Variants in PCDHGA3 observed in about 807,000 individuals in gnomAD.
The protein encoded by PCDHGA3 is protocadherin gamma subfamily A, 3.
A neutral mutation model predicts 58.5 loss-of-function variants in PCDHGA3; 40 were observed. The ratio of observed to expected loss-of-function variants is 0.68; its 90% CI spans 0.53 to 0.89. The LOEUF is 0.89. PCDHGA3 is among the 40% of genes least tolerant of loss of function. The pLI is 0.00. For synonymous variants in PCDHGA3, 530 were observed against 525.7 expected (o/e 1.01, Z -0.11); for missense variants, 1,223 against 1,195.9 (o/e 1.02, Z -0.33).
chr5:141,403,163 A>C, intron 1 of PCDHGA3: 1 of 1,614,052 alleles, frequency 6.2e-7, no homozygotes, highest in South Asian at 1.1e-5. Flanking sequence ...CTCTAGAGGT[A>C]GGACGCAGCT....
intron 1 of PCDHGA3, chr5:141,428,225 A>G (rs775012950): frequency 4.3e-6 from 5 of 1,156,574 alleles, no homozygotes; most frequent in Non-Finnish European, 6.3e-6. Flanking sequence ...GTCTTCGCAG[A>G]CAGCCTGCAG....
In PCDHGA3 at chr5:141,455,477, C is replaced by T. The variant is rs557286491; in HGVS notation, c.2425-39330C>T. On this transcript the variant is annotated intron_variant, in intron 1 of 3. Coordinates refer to ENST00000253812, the MANE Select transcript of PCDHGA3 (RefSeq NM_018916.4). ...TACCAGCCAGGTATATATGCAGAGG[C>T]TGGTGGAGGTGATGTCTGATTTGCA... Among the ~76,000 whole-genome samples the T allele has an allele frequency of 1.2e-4, 18 of 152,252 alleles. No homozygotes were observed. The South Asian group carries it at 3.7e-3, about 32-fold the overall frequency.
At chr5:141,383,007 G>A (rs1047921009) in intron 1 of PCDHGA3, 1 of 1,613,748 alleles carries the variant, frequency 6.2e-7, no homozygotes, top group Non-Finnish European at 8.5e-7. Flanking sequence ...ACTCCGTGTC[G>A]GAGGAGACGG....
intron 1 of PCDHGA3, chr5:141,372,088 C>G: frequency 1.9e-6 from 3 of 1,613,762 alleles, no homozygotes; most frequent in Non-Finnish European, 2.5e-6. Flanking sequence ...GTGCTGTACC[C>G]AGCTCTGGGG....
At chr5:141,510,682 GA>G (rs1303501817) in intron 3 of PCDHGA3, among the ~76,000 whole-genome samples, 6 of 152,154 alleles carry the variant, frequency 3.9e-5, no homozygotes, top group Non-Finnish European at 8.8e-5. Flanking sequence ...GTGGCATAAG[GA>G]GGTTAGGTAG....
chr5:141,347,945 G>C (rs1758040915), intron 1 of PCDHGA3, among the ~76,000 whole-genome samples: 1 of 152,180 alleles, frequency 6.6e-6, no homozygotes, highest in African/African-American at 2.4e-5. Flanking sequence ...CCTTGGAGTG[G>C]TATTTCTTGT....
chr5:141,420,135 A>T (rs2096469364), intron 1 of PCDHGA3: 1 of 1,614,026 alleles, frequency 6.2e-7, no homozygotes. Flanking sequence ...GTGCCTGGGG[A>T]TCAAATGAAT....
intron 1 of PCDHGA3, chr5:141,399,668 G>A (rs756009874): frequency 1.7e-5 from 28 of 1,613,644 alleles, no homozygotes; most frequent in Non-Finnish European, 8.5e-7. Flanking sequence ...TTCGCGCAGC[G>A]CGCCTTTGAC....
chr5:141,477,566 C>T lies in PCDHGA3; in HGVS notation c.2425-17241C>T, dbSNP rs749100730. On this transcript the variant is annotated intron_variant, in intron 1 of 3. Coordinates refer to ENST00000253812, the MANE Select transcript of PCDHGA3 (RefSeq NM_018916.4). The surrounding 1 kb of genome is among the most constrained non-coding windows in gnomAD (Gnocchi z 4.9). ...AATACTAAACCTAAGTGTCTGGGAC[C>T]CCGACGCCCCGCAGAATGCTCGGCT... The T allele has an allele frequency of 1.9e-6, 3 of 1,613,988 alleles. No homozygotes were observed. The highest frequency in any genetic ancestry group is 8.5e-7 in the Non-Finnish European group (1 of 1,180,032).
chr5:141,374,456 G>A, intron 1 of PCDHGA3: 2 of 1,613,432 alleles, frequency 1.2e-6, no homozygotes, highest in Non-Finnish European at 1.7e-6. Context: ...GGAAATAGTG[G>A]ACATTAATGA....
intron 1 of PCDHGA3, chr5:141,392,578 A>G: frequency 2.2e-6 from 1 of 461,792 alleles, no homozygotes; most frequent in Non-Finnish European, 3.8e-6. Context: ...TTAGGACTGT[A>G]AGCGCCGCTG....
At chr5:141,366,099 A>C in intron 1 of PCDHGA3, 1 of 1,614,210 alleles carries the variant, frequency 6.2e-7, no homozygotes, top group Non-Finnish European at 8.5e-7. Context: ...CTGGTGACCA[A>C]GGTGGTAGCG....
chr5:141,381,823 CTTCT>C (rs1777510060), intron 1 of PCDHGA3, among the ~76,000 whole-genome samples: 4 of 101,610 alleles, frequency 3.9e-5, no homozygotes, highest in African/African-American at 4.3e-5. Flanking sequence ...TTTCTTTCTT[CTTCT>C]TTTTTTTTTT....
chr5:141,365,099 G>A (rs767635242), intron 1 of PCDHGA3: 1 of 1,613,850 alleles, frequency 6.2e-7, no homozygotes, highest in East Asian at 2.2e-5. Flanking sequence ...GAACATACCT[G>A]TGGGCACTCG....
At chr5:141,441,848 T>C (rs1034278597) in intron 1 of PCDHGA3, 2 of 356,906 alleles carry the variant, frequency 5.6e-6, no homozygotes, top group South Asian at 2.4e-5. Context: ...CTCTTGGATA[T>C]GGTGCTGCAC....
chr5:141,501,419 C>A (rs910783867), intron 2 of PCDHGA3, among the ~76,000 whole-genome samples: 1 of 151,920 alleles, frequency 6.6e-6, no homozygotes, highest in Non-Finnish European at 1.5e-5. Flanking sequence ...AAATAGTTGA[C>A]TAAATGTAGT....
chr5:141,459,315 T>A (rs2154566534), intron 1 of PCDHGA3, among the ~76,000 whole-genome samples: 1 of 152,362 alleles, frequency 6.6e-6, no homozygotes, highest in Non-Finnish European at 1.5e-5. Flanking sequence ...CTATTTTGTA[T>A]CCATCTTCTT....
rs771124496 is a variant in PCDHGA3, at chr5:141,489,457, C to T, written c.2425-5350C>T. The T allele has an allele frequency of 1.2e-5, 19 of 1,613,882 alleles. No homozygotes were observed. The highest frequency in any genetic ancestry group is 6.7e-5 in the African/African-American group (5 of 74,896). Reference sequence around the variant, plus strand: ...GCAATTGGGCTCTGAGGAGAATGGGCGCTATTTTTCCCTGAGCTTGATGAG... The same window carrying T: ...GCAATTGGGCTCTGAGGAGAATGGGTGCTATTTTTCCCTGAGCTTGATGAG... On this transcript the variant is annotated intron_variant, in intron 1 of 3. Coordinates refer to ENST00000253812, the MANE Select transcript of PCDHGA3 (RefSeq NM_018916.4). The surrounding 1 kb of genome is among the most constrained non-coding windows in gnomAD (Gnocchi z 4.5).
intron 1 of PCDHGA3, chr5:141,419,231 C>G (rs1309708358): frequency 2.5e-6 from 4 of 1,614,026 alleles, no homozygotes; most frequent in Admixed American, 1.7e-5. Context: ...GTCAGCCTAC[C>G]TGGTCCACGT....
Sources: gnomAD v4.1 joint callset for allele counts (sites outside exome capture counted in the v4.1 genomes callset) on GRCh38, gnomAD v4.1.1 for gene constraint, Gnocchi (gnomAD v3.1) non-coding constraint, MANE v1.5 for transcripts, NCBI Gene and HGNC (gene_info 2026-07-23, HGNC 2026-07-21) for gene names.